FBN2: variants seen among roughly 807,000 people sequenced by gnomAD.
The protein encoded by FBN2 is fibrillin 2.
A neutral mutation model predicts 355.6 loss-of-function variants in FBN2; 105 were observed. That is an observed-to-expected ratio of 0.30 (90% CI 0.25 to 0.35). FBN2 has a LOEUF of 0.35. Among genes scored for constraint, FBN2 ranks in the 10% least tolerant of loss-of-function variants. The pLI is 1.00. For missense variants in FBN2, 3,280 were observed against 3,758.7 expected (o/e 0.87, Z 3.33); for synonymous variants, 1,350 against 1,301.2 (o/e 1.04, Z -0.81).
At chr5:128,320,829 A>G (rs1041859377) in intron 34 of FBN2, among the ~76,000 whole-genome samples, 2 of 152,248 alleles carry the variant, frequency 1.3e-5, no homozygotes, top group African/African-American at 4.8e-5. Context: ...TAAGAATAAA[A>G]AACGCTAAAA....
At chr5:128,387,230 A>G (rs181361947) in intron 11 of FBN2, among the ~76,000 whole-genome samples, 1 of 151,998 alleles carries the variant, frequency 6.6e-6, no homozygotes, top group Admixed American at 6.6e-5. Flanking sequence ...GTGTGCACAG[A>G]GGTATTTTTA....
intron 56 of FBN2, 42 bp downstream of exon 56, chr5:128,280,150 T>C (rs750185881): frequency 2.6e-6 from 4 of 1,558,954 alleles, no homozygotes; most frequent in East Asian, 2.2e-5. Context: ...CATGAACAGA[T>C]GTTTTATCTA....
At chr5:128,378,001 C>A in intron 12 of FBN2, 124 bp from the exon 13 acceptor site, 8 of 864,722 alleles carry the variant, frequency 9.3e-6, no homozygotes, top group Non-Finnish European at 1.4e-5. Context: ...ATTTCTGTCT[C>A]TCAGCAGTTT....
intron 42 of FBN2, among the ~76,000 whole-genome samples, chr5:128,306,722 G>A (rs186726232): frequency 6.6e-6 from 1 of 152,176 alleles, no homozygotes; most frequent in Admixed American, 6.5e-5. Context: ...TGAAAAATAA[G>A]TCTGCACATT....
At chr5:128,455,861 C>A (rs1436590266) in intron 6 of FBN2, among the ~76,000 whole-genome samples, 1 of 151,886 alleles carries the variant, frequency 6.6e-6, no homozygotes, top group African/African-American at 2.4e-5. Flanking sequence ...CTGGAACGTA[C>A]AGATTATTAC....
intron 7 of FBN2, among the ~76,000 whole-genome samples, chr5:128,421,054 A>G (rs1753339274): frequency 6.6e-6 from 1 of 152,208 alleles, no homozygotes. Context: ...CTCTAGCTAA[A>G]GTATGGAGGT....
At chr5:128,460,265 A>C (rs190207033) in intron 6 of FBN2, among the ~76,000 whole-genome samples, 56 of 152,288 alleles carry the variant, frequency 3.7e-4, no homozygotes, top group Middle Eastern at 6.8e-3. Flanking sequence ...AATTGCTACA[A>C]AGAGAATAAA....
intron 5 of FBN2, among the ~76,000 whole-genome samples, chr5:128,485,050 G>A (rs1554072986): frequency 6.6e-6 from 1 of 151,752 alleles, no homozygotes; most frequent in African/African-American, 2.4e-5. Flanking sequence ...TTGAGACAGG[G>A]TTTGGCTCTG....
intron 17 of FBN2, among the ~76,000 whole-genome samples, 180 bp from the exon 18 acceptor site, chr5:128,364,905 A>T (rs1035711882): frequency 6.6e-6 from 1 of 152,216 alleles, no homozygotes; most frequent in Non-Finnish European, 1.5e-5. Context: ...AAACTGAAAG[A>T]TATAGGACAC....
chr5:128,411,814 G>C (rs372552708), intron 7 of FBN2, among the ~76,000 whole-genome samples: 1 of 152,186 alleles, frequency 6.6e-6, no homozygotes, highest in African/African-American at 2.4e-5. Flanking sequence ...CCTGCCTCCT[G>C]TCTGTATCAC....
intron 62 of FBN2, among the ~76,000 whole-genome samples, chr5:128,268,191 T>C (rs1765166858): frequency 6.6e-6 from 1 of 152,172 alleles, no homozygotes; most frequent in Non-Finnish European, 1.5e-5. Context: ...ATAAAGGTGA[T>C]ATCACCACTG....
chr5:128,344,779 C>T (rs1442449714), intron 24 of FBN2, among the ~76,000 whole-genome samples: 1 of 151,554 alleles, frequency 6.6e-6, no homozygotes, highest in Non-Finnish European at 1.5e-5. Flanking sequence ...TGGCTCACTG[C>T]AACCTCCACC....
chr5:128,350,996 T>C lies in FBN2; in HGVS notation c.2684A>G (p.Lys895Arg), dbSNP rs143565958. 213 of 1,614,202 alleles carry C rather than the reference T, an allele frequency of 1.3e-4. No homozygotes were observed. In the African/African-American group the frequency reaches 2.7e-3, roughly 20 times the overall value. ...STGLICIDSL[K>R]GTCWLNIQDS... is the part of the protein sequence containing the mutation. ...CTGGATGTTGAGCCAACAGGTCCCC[T>C]TCAGGCTGTCTGAAAAGGAACAGGA... Residue 895 changes from lysine (K) to arginine (R), a missense_variant, in exon 21 of 65, where the codon AAG becomes AGG. Coordinates refer to ENST00000262464, the MANE Select transcript of FBN2 (RefSeq NM_001999.4).
At chr5:128,515,271 GAGTTTAT>G (rs1756250685) in intron 5 of FBN2, among the ~76,000 whole-genome samples, 1 of 152,184 alleles carries the variant, frequency 6.6e-6, no homozygotes, top group Non-Finnish European at 1.5e-5. Flanking sequence ...AATAATTAAA[GAGTTTAT>G]AATTAGAAGC....
intron 3 of FBN2, among the ~76,000 whole-genome samples, chr5:128,528,619 T>C (rs62390666): frequency 0.39 from 59,621 of 151,962 alleles, 14,059 homozygotes; most frequent in African/African-American, 0.67. Flanking sequence ...TTCTGAAGAA[T>C]GGAGAGATTC....
At chr5:128,409,354 CA>C (rs935534303) in intron 7 of FBN2, among the ~76,000 whole-genome samples, 31 of 152,166 alleles carry the variant, frequency 2.0e-4, no homozygotes, top group African/African-American at 7.5e-4. Flanking sequence ...TGGTAAAGGG[CA>C]AAAACTTGGG....
chr5:128,479,968 CTCTCTCTCTATATATATATATA>C (rs1438934265), intron 5 of FBN2, among the ~76,000 whole-genome samples: 54 of 29,212 alleles, frequency 1.8e-3, no homozygotes, highest in Admixed American at 3.2e-3. Context: ...CTCTCTCTCT[CTCTCTCTCTATATATATATATA>C]TATATATATA....
chr5:128,284,287 A>G (rs1749072074), intron 55 of FBN2, among the ~76,000 whole-genome samples: 1 of 152,220 alleles, frequency 6.6e-6, no homozygotes, highest in African/African-American at 2.4e-5. Context: ...AATCTGAGGC[A>G]CATATTTAAG....
chr5:128,417,040 G>T lies in FBN2; in HGVS notation c.953-8241C>A, dbSNP rs957364769. Among the ~76,000 whole-genome samples, 8 of 152,128 alleles carry T rather than the reference G, an allele frequency of 5.3e-5. No individual in the cohort carries two copies. In the East Asian group the frequency reaches 7.7e-4, roughly 15 times the overall value. On this transcript the variant is annotated intron_variant, in intron 7 of 64. Transcript: ENST00000262464. The stretch of plus-strand genomic sequence containing the variant: ...CTTCAATTTCTTTCGTAAGTGTTTT[G>T]CAGTTTTCCTTATGGAAGAATTCAC...
Sources: allele counts gnomAD v4.1 joint callset (sites outside exome capture counted in the v4.1 genomes callset), GRCh38; gene constraint gnomAD v4.1.1; transcripts MANE v1.5; gene names NCBI Gene and HGNC (gene_info 2026-07-23, HGNC 2026-07-21).